The following IGSF3 variants were observed in gnomAD, a reference collection of about 807,000 sequenced individuals.
IGSF3 encodes glu-Trp-Ile EWI motif-containing protein 3.
IGSF3 carries 23 observed loss-of-function variants against 114.4 expected under a neutral mutation model. The ratio of observed to expected loss-of-function variants is 0.20; its 90% CI spans 0.14 to 0.28. IGSF3 has a LOEUF of 0.28. Ranked by LOEUF, IGSF3 falls within the 10% of genes least tolerant of loss-of-function variation. IGSF3 has a pLI of 1.00. For missense variants in IGSF3, 1,172 were observed against 1,591.5 expected (o/e 0.74, Z 4.48); for synonymous variants, 571 against 645.2 (o/e 0.88, Z 1.74).
chr1:116,579,638 G>T lies in IGSF3; in HGVS notation c.3088C>A (p.Arg1030=), dbSNP rs768683998. The T allele has an allele frequency of 5.0e-6, 8 of 1,612,688 alleles. No homozygotes were observed. The highest frequency in any genetic ancestry group is 1.3e-5 in the African/African-American group (1 of 74,684). ...DDDDDDDPTE[R]TALLSVGPDA... is the part of the protein sequence containing the mutation. The stretch of plus-strand genomic sequence containing the variant: ...GGGCCCACGCTCAGCAGGGCCGTCC[G>T]CTCTGTTGGGTCGTCGTCGTCGTCG... The change falls in exon 10 of 11, where the codon CGG becomes AGG. Residue 1030 remains arginine, a synonymous_variant. Coordinates refer to ENST00000369486, the MANE Select transcript of IGSF3 (RefSeq NM_001007237.3). The surrounding 1 kb of genome is among the most constrained non-coding windows in gnomAD (Gnocchi z 6.4).
At chr1:116,619,050 A>G (rs1661322704) in intron 2 of IGSF3, among the ~76,000 whole-genome samples, 1 of 152,174 alleles carries the variant, frequency 6.6e-6, no homozygotes. Flanking sequence ...GATTCAAATC[A>G]GGTGTAGCAA....
At position 116,584,046 on chromosome 1, in the gene IGSF3, G is replaced by A. The variant is rs577837118; in HGVS notation, c.2848+599C>T. Among the ~76,000 whole-genome samples the A allele has an allele frequency of 3.3e-5, 5 of 152,186 alleles. No individual in the cohort carries two copies. The highest frequency in any genetic ancestry group is 2.1e-4 in the South Asian group (1 of 4,818). On this transcript the variant is annotated intron_variant, in intron 9 of 10. Transcript: ENST00000369486. This position sits in a 1 kb window ranked among gnomAD's most constrained non-coding sequence, Gnocchi z 5.8. ...TCTACTAAAAATACACAAATTAGCCGGGTGTGGTGGCATGAGCCTGTAGTC... is the reference window on the plus strand; with the variant it reads ...TCTACTAAAAATACACAAATTAGCCAGGTGTGGTGGCATGAGCCTGTAGTC...
rs529624197 is a variant in IGSF3 at position 116,595,212 on chromosome 1, G to C, written c.2029+4729C>G. ...GTCTGCAGGTAGGGCAGTGACCCTG[G>C]CTCCTTGATGCCAATAACAAGTGCC... On this transcript the variant is annotated intron_variant, in intron 7 of 10. Coordinates refer to ENST00000369486, the MANE Select transcript of IGSF3 (RefSeq NM_001007237.3). This position sits in a 1 kb window ranked among gnomAD's most constrained non-coding sequence, Gnocchi z 4.2. Among the ~76,000 whole-genome samples, 3 of 152,280 alleles carry C rather than the reference G, an allele frequency of 2.0e-5. No individual in the cohort carries two copies. The highest frequency in any genetic ancestry group is 2.0e-4 in the Admixed American group (3 of 15,304).
chr1:116,605,792 T>C lies in IGSF3; in HGVS notation c.1223-1767A>G, dbSNP rs1557867552. Among the ~76,000 whole-genome samples, 1 of 152,210 alleles carries C rather than the reference T, an allele frequency of 6.6e-6. No homozygotes were observed. Among genetic ancestry groups the C allele is most frequent in the Non-Finnish European group, 1.5e-5 (1 of 68,024 alleles). ...AGGGATTAAAAGGGCAACTGCAGCA[T>C]CAAGGAAGAAAATCCTTTCACTTGT... is the stretch of plus-strand genomic sequence containing the variant. On this transcript the variant is annotated intron_variant, in intron 5 of 10. Coordinates refer to ENST00000369486, the MANE Select transcript of IGSF3 (RefSeq NM_001007237.3). This position sits in a 1 kb window ranked among gnomAD's most constrained non-coding sequence, Gnocchi z 5.1.
chr1:116,613,874 C>A lies in IGSF3; in HGVS notation c.723G>T (p.Gln241His), dbSNP rs769198902. The change falls in exon 4 of 11, where the codon CAG becomes CAT. Residue 241 changes from glutamine (Q) to histidine (H), a missense_variant. By Grantham distance (24) the Gln-to-His change is conservative. Around this residue, in one of 3 missense-constraint regions of IGSF3, gnomAD observed 736 missense variants for 1,042.0 expected, o/e 0.71. Transcript: ENST00000369486. Reference sequence around the variant, plus strand: ...CGGCGGCCTCGCAGTAGAATTCGCCCTGGTCAGAAGGCTGCAGGTGGAAGA... The same window carrying A: ...CGGCGGCCTCGCAGTAGAATTCGCCATGGTCAGAAGGCTGCAGGTGGAAGA... ...LTIFHLQPSD[Q>H]GEFYCEAAEW... is the part of the protein sequence containing the mutation. 6.2e-7 allele frequency: 1 copy of A among 1,614,020 alleles called. No individual in the cohort carries two copies. Among genetic ancestry groups the A allele is most frequent in the South Asian group, 1.1e-5 (1 of 91,072 alleles).
chr1:116,637,446 T>A (rs1647884327), intron 2 of IGSF3, among the ~76,000 whole-genome samples: 1 of 152,166 alleles, frequency 6.6e-6, no homozygotes, highest in Non-Finnish European at 1.5e-5. Context: ...ATGGGTTCAT[T>A]TCCTTTCCCT....
chr1:116,581,092 C>T (rs1409048458), intron 9 of IGSF3, among the ~76,000 whole-genome samples: 1 of 152,154 alleles, frequency 6.6e-6, no homozygotes, highest in Admixed American at 6.5e-5. Flanking sequence ...TAGCTTATTG[C>T]CTAAAACACA....
chr1:116,581,129 C>T (rs375480515), intron 9 of IGSF3, among the ~76,000 whole-genome samples: 51 of 152,218 alleles, frequency 3.4e-4, no homozygotes, highest in African/African-American at 1.2e-3. Context: ...CAGTATCTCT[C>T]CAAGGATTAA....
chr1:116,578,406 C>T (rs962844553), intron 10 of IGSF3, among the ~76,000 whole-genome samples: 15 of 152,360 alleles, frequency 9.8e-5, no homozygotes, highest in African/African-American at 3.4e-4. Flanking sequence ...TTCCCTTTTA[C>T]TGAATAGCTG....
chr1:116,646,199 G>C (rs918715902), intron 2 of IGSF3, among the ~76,000 whole-genome samples: 1 of 152,214 alleles, frequency 6.6e-6, no homozygotes, highest in Non-Finnish European at 1.5e-5. Context: ...TTTCTGCACC[G>C]TGTGAACCCT....
rs1239676256 is a variant in IGSF3, at chr1:116,629,084, G to A, written c.44-12627C>T. On this transcript the variant is annotated intron_variant, in intron 2 of 10. Transcript: ENST00000369486. This position sits in a 1 kb window ranked among gnomAD's most constrained non-coding sequence, Gnocchi z 4.3. ...AGAATGAGCACTATACCATAGGGGGGTGGGTCACAAAAGCAGGAAAAGGTC... is the reference window on the plus strand; with the variant it reads ...AGAATGAGCACTATACCATAGGGGGATGGGTCACAAAAGCAGGAAAAGGTC... Among the ~76,000 whole-genome samples the A allele has an allele frequency of 6.6e-6, 1 of 152,168 alleles. No homozygotes were observed. Among genetic ancestry groups the A allele is most frequent in the Non-Finnish European group, 1.5e-5 (1 of 68,040 alleles).
chr1:116,660,994 C>A (rs1649088660), intron 2 of IGSF3, among the ~76,000 whole-genome samples: 2 of 152,070 alleles, frequency 1.3e-5, no homozygotes, highest in African/African-American at 4.8e-5. Context: ...ACCATTCACT[C>A]ATCAAAAAAT....
rs1429471424 is a variant in IGSF3 at position 116,610,259 on chromosome 1, C to T, written c.833-1928G>A. 1.3e-5 allele frequency among the ~76,000 whole-genome samples: 2 copies of T among 152,208 alleles called. No individual in the cohort carries two copies. The highest frequency in any genetic ancestry group is 1.3e-4 in the Admixed American group (2 of 15,284). On this transcript the variant is annotated intron_variant, in intron 4 of 10. Transcript: ENST00000369486. This position sits in a 1 kb window ranked among gnomAD's most constrained non-coding sequence, Gnocchi z 4.3. ...TCCTTCCACATAAACACCACTGGAG[C>T]TGTGCAAGGGGTACCCTAGACCTCA... is the stretch of plus-strand genomic sequence containing the variant.
intron 1 of IGSF3, 91 bp from the exon 2 acceptor site, chr1:116,667,047 G>T (rs1460907532): frequency 5.1e-6 from 2 of 391,900 alleles, no homozygotes; most frequent in East Asian, 3.7e-5. Flanking sequence ...ACCTGGGTCC[G>T]GTTCCTGGAC....
rs1648826952 is a variant in IGSF3, at chr1:116,655,937, T to C, written c.43+10347A>G. On this transcript the variant is annotated intron_variant, in intron 2 of 10. Transcript: ENST00000369486. The surrounding 1 kb of genome is among the most constrained non-coding windows in gnomAD (Gnocchi z 4.3). ...AAATTTAAGGGTAATATTTTTATTATGACTTGCTCTCCTGATACAGCAAAA... is the reference window on the plus strand; with the variant it reads ...AAATTTAAGGGTAATATTTTTATTACGACTTGCTCTCCTGATACAGCAAAA... Among the ~76,000 whole-genome samples, 1 of 152,238 alleles carries C rather than the reference T, an allele frequency of 6.6e-6. No individual in the cohort carries two copies. The highest frequency in any genetic ancestry group is 2.4e-5 in the African/African-American group (1 of 41,462).
chr1:116,595,032 T>C lies in IGSF3; in HGVS notation c.2029+4909A>G, dbSNP rs1482007301. Among the ~76,000 whole-genome samples, 1 of 152,010 alleles carries C rather than the reference T, an allele frequency of 6.6e-6. No individual in the cohort carries two copies. Among genetic ancestry groups the C allele is most frequent in the African/African-American group, 2.4e-5 (1 of 41,372 alleles). ...GCAAGGCAGGAACGTGACACACCCA[T>C]CTCAGCAGCCTCACCAGCATGGCAA... is the stretch of plus-strand genomic sequence containing the variant. On this transcript the variant is annotated intron_variant, in intron 7 of 10. Coordinates refer to ENST00000369486, the MANE Select transcript of IGSF3 (RefSeq NM_001007237.3). This position sits in a 1 kb window ranked among gnomAD's most constrained non-coding sequence, Gnocchi z 4.2.
Position 116,577,421 on chromosome 1 carries a change from T to C in IGSF3, c.3476A>G (p.Asp1159Gly). 1 of 1,614,186 alleles carries C rather than the reference T, an allele frequency of 6.2e-7. No homozygotes were observed. Among genetic ancestry groups the C allele is most frequent in the Non-Finnish European group, 8.5e-7 (1 of 1,180,016 alleles). ...CAGCAGAGGCACCCCATTCTTCCCA[T>C]CAGAGTTCTTGCTGGAGTTCCGGCT... Reference protein sequence around the residue: ...FKSRNSSKNSDGKNGVPLLWI... With the variant: ...FKSRNSSKNSGGKNGVPLLWI... Residue 1159 changes from aspartate to glycine, a missense_variant, in exon 11 of 11, where the codon GAT becomes GGT. Transcript: ENST00000369486. This position sits in a 1 kb window ranked among gnomAD's most constrained non-coding sequence, Gnocchi z 5.7.
Position 116,665,572 on chromosome 1 carries a change from G to C in IGSF3, c.43+712C>G, listed in dbSNP as rs1046776687. On this transcript the variant is annotated intron_variant, in intron 2 of 10. Coordinates refer to ENST00000369486, the MANE Select transcript of IGSF3 (RefSeq NM_001007237.3). The surrounding 1 kb of genome is among the most constrained non-coding windows in gnomAD (Gnocchi z 4.0). ...AAGGTCCTGCATCTGCACCTTAAGA[G>C]GGGTGTCAAAGGTTCACCTCTCAGG... 2.6e-5 allele frequency among the ~76,000 whole-genome samples: 4 copies of C among 152,158 alleles called. No individual in the cohort carries two copies. The highest frequency in any genetic ancestry group is 9.7e-5 in the African/African-American group (4 of 41,434).
rs1210271156 is a variant in IGSF3 at position 116,627,304 on chromosome 1, AT to A, written c.44-10848del. On this transcript the variant is annotated intron_variant, in intron 2 of 10. Transcript: ENST00000369486. The surrounding 1 kb of genome is among the most constrained non-coding windows in gnomAD (Gnocchi z 4.7). ...TTTCACAGCAATTACTGTTGCTATT[AT>A]TTTACGCTTCATTTCTGGACCTAGG... Among the ~76,000 whole-genome samples, 1 of 152,096 alleles carries A rather than the reference AT, an allele frequency of 6.6e-6. No homozygotes were observed. The highest frequency in any genetic ancestry group is 2.4e-5 in the African/African-American group (1 of 41,406).
Sources: allele counts gnomAD v4.1 joint callset (sites outside exome capture counted in the v4.1 genomes callset), GRCh38; gene constraint gnomAD v4.1.1; regional missense constraint gnomAD v4.1.1; non-coding constraint Gnocchi (gnomAD v3.1); transcripts MANE v1.5; gene names NCBI Gene and HGNC (gene_info 2026-07-23, HGNC 2026-07-21).